The following SNTG1 variants were observed in gnomAD, a reference collection of about 807,000 sequenced individuals.
The protein encoded by SNTG1 is syntrophin gamma 1, also known as gamma-1-syntrophin.
SNTG1 carries 39 observed loss-of-function variants against 74.7 expected under a neutral mutation model. The observed-to-expected ratio is 0.52, with a 90% CI of 0.40 to 0.68. The LOEUF (loss-of-function observed/expected upper bound fraction) is 0.68, where lower values mean the gene tolerates loss of function less well. SNTG1 is among the 30% of genes least tolerant of loss of function. SNTG1 has a pLI of 0.00. For synonymous variants in SNTG1, 254 were observed against 217.1 expected (o/e 1.17, Z -1.49); for missense variants, 685 against 609.5 (o/e 1.12, Z -1.30).
chr8:50,526,690 G>A (rs1292929170), intron 9 of SNTG1, among the ~76,000 whole-genome samples: 3 of 151,586 alleles, frequency 2.0e-5, no homozygotes, highest in African/African-American at 7.3e-5. Flanking sequence ...TCCCCCTGTT[G>A]CCAGGCTCAT....
chr8:50,000,964 T>G (rs2130444982), intron 1 of SNTG1, among the ~76,000 whole-genome samples: 1 of 152,318 alleles, frequency 6.6e-6, no homozygotes, highest in East Asian at 1.9e-4. Flanking sequence ...TTGCCTTCAA[T>G]TTTCTTTCCA....
At chr8:50,551,779 G>A (rs955371919) in intron 11 of SNTG1, among the ~76,000 whole-genome samples, 10 of 152,154 alleles carry the variant, frequency 6.6e-5, no homozygotes, top group African/African-American at 2.4e-4. Context: ...AAACAAAAGA[G>A]CATATCTAAG....
At chr8:50,786,462 A>G (rs943096942) in intron 18 of SNTG1, among the ~76,000 whole-genome samples, 20 of 152,124 alleles carry the variant, frequency 1.3e-4, no homozygotes, top group South Asian at 6.2e-4. Flanking sequence ...GATTTAAGAA[A>G]TCTCCATCAA....
chr8:50,560,692 G>A (rs984611344), intron 12 of SNTG1, among the ~76,000 whole-genome samples: 2 of 152,040 alleles, frequency 1.3e-5, no homozygotes, highest in African/African-American at 4.8e-5. Context: ...CACATCGGGG[G>A]AACAACACAC....
At chr8:50,044,597 G>C (rs1818920062) in intron 1 of SNTG1, among the ~76,000 whole-genome samples, 1 of 152,216 alleles carries the variant, frequency 6.6e-6, no homozygotes, top group Non-Finnish European at 1.5e-5. Context: ...CCTAGAACCT[G>C]GACTTCTTAA....
chr8:50,486,175 A>G (rs1169625824), intron 8 of SNTG1, among the ~76,000 whole-genome samples: 7 of 151,476 alleles, frequency 4.6e-5, no homozygotes, highest in East Asian at 1.9e-4. Context: ...GTTTTTTCCA[A>G]TTCTGTGAAG....
intron 1 of SNTG1, among the ~76,000 whole-genome samples, chr8:50,003,649 T>G (rs935614318): frequency 6.6e-6 from 1 of 152,176 alleles, no homozygotes; most frequent in Admixed American, 6.6e-5. Context: ...GAAACTCTAT[T>G]TAGAAGATAG....
Position 49,994,703 on chromosome 8 carries a change from A to AT in SNTG1, c.-103+82482dup, listed in dbSNP as rs141549703. 7.8e-3 allele frequency among the ~76,000 whole-genome samples: 1,175 copies of AT among 149,796 alleles called. 13 individuals are homozygous for AT. Among genetic ancestry groups the AT allele is most frequent in the African/African-American group, 0.018 (721 of 41,016 alleles). On this transcript the variant is annotated intron_variant, in intron 1 of 18. Coordinates refer to ENST00000642720, the MANE Select transcript of SNTG1 (RefSeq NM_018967.5). ...CTCCTCACTTTGACTATAGCTACTC[A>AT]TTTTTTTTTTCTCTGAACCTAAGAA... is the stretch of plus-strand genomic sequence containing the variant.
intron 1 of SNTG1, among the ~76,000 whole-genome samples, chr8:49,943,289 T>C (rs1203626204): frequency 9.4e-6 from 1 of 106,098 alleles, no homozygotes; most frequent in Non-Finnish European, 2.3e-5. Context: ...GATCCTTCGA[T>C]CTAGTGGAGA....
intron 1 of SNTG1, among the ~76,000 whole-genome samples, chr8:50,106,782 T>A (rs2080388708): frequency 1.3e-5 from 2 of 152,290 alleles, no homozygotes; most frequent in Non-Finnish European, 2.9e-5. Context: ...TAACATTGTG[T>A]TTGACAACTC....
chr8:50,022,711 C>G lies in SNTG1; in HGVS notation c.-103+110480C>G, dbSNP rs545475624. ...TTACTGTCTGTGTTTTCAGGAGGCA[C>G]TGAGCTGCCAGAGCATACATGGATT... On this transcript the variant is annotated intron_variant, in intron 1 of 18. Coordinates refer to ENST00000642720, the MANE Select transcript of SNTG1 (RefSeq NM_018967.5). Among the ~76,000 whole-genome samples the G allele has an allele frequency of 4.6e-5, 7 of 152,292 alleles. No homozygotes were observed. In the South Asian group the frequency reaches 1.5e-3, roughly 32 times the overall value.
In SNTG1 at chr8:50,792,977, C is replaced by A; in HGVS notation, c.*148C>A. 1 of 727,052 alleles carries A rather than the reference C, an allele frequency of 1.4e-6. No individual in the cohort carries two copies. The highest frequency in any genetic ancestry group is 2.1e-6 in the Non-Finnish European group (1 of 475,438). The allele number at this position is 727,052 out of a possible 1,614,324, so 45.0% of individuals were successfully genotyped here. ...GGCAGAAAAAGAAGGTCATGTGGAA[C>A]CTCAAAAACACTTCTATTCTGGATG... On this transcript the variant is annotated 3_prime_UTR_variant, in exon 19 of 19. Coordinates refer to ENST00000642720, the MANE Select transcript of SNTG1 (RefSeq NM_018967.5).
At chr8:50,167,007 T>G (rs1309143751) in intron 1 of SNTG1, among the ~76,000 whole-genome samples, 1 of 141,962 alleles carries the variant, frequency 7.0e-6, no homozygotes, top group Non-Finnish European at 1.5e-5. Flanking sequence ...TCATTCTCAG[T>G]AAACTATCGC....
At chr8:50,521,728 A>T (rs1422960560) in intron 9 of SNTG1, among the ~76,000 whole-genome samples, 1 of 152,216 alleles carries the variant, frequency 6.6e-6, no homozygotes, top group Non-Finnish European at 1.5e-5. Context: ...TTTATGTAAT[A>T]TTCTAAATAC....
chr8:49,966,609 G>T (rs921127931), intron 1 of SNTG1, among the ~76,000 whole-genome samples: 1 of 151,780 alleles, frequency 6.6e-6, no homozygotes, highest in African/African-American at 2.4e-5. Flanking sequence ...TGGCCAGGCT[G>T]GTCTCAAACT....
chr8:50,695,215 AC>A (rs377734166), intron 15 of SNTG1, among the ~76,000 whole-genome samples: 1 of 151,942 alleles, frequency 6.6e-6, no homozygotes, highest in African/African-American at 2.4e-5. Flanking sequence ...ACACACACAC[AC>A]AAAAAAAACC....
chr8:50,219,629 C>T (rs2084960623), intron 2 of SNTG1, among the ~76,000 whole-genome samples: 1 of 151,972 alleles, frequency 6.6e-6, no homozygotes, highest in South Asian at 2.1e-4. Context: ...GAGAGAGAAA[C>T]GGGATGTGCT....
At chr8:50,461,731 G>GTTTGTTTTGT (rs71233497) in intron 8 of SNTG1, among the ~76,000 whole-genome samples, 8 of 150,934 alleles carry the variant, frequency 5.3e-5, no homozygotes, top group South Asian at 2.1e-4. Context: ...TTGTTTGTTT[G>GTTTGTTTTGT]TTTGTTTTGT....
intron 5 of SNTG1, among the ~76,000 whole-genome samples, chr8:50,445,145 A>G (rs2093394961): frequency 6.6e-6 from 1 of 152,176 alleles, no homozygotes; most frequent in Non-Finnish European, 1.5e-5. Flanking sequence ...TGAGAAAGAC[A>G]ATTATTTTTT....
Sources: gnomAD v4.1 joint callset for allele counts (sites outside exome capture counted in the v4.1 genomes callset) on GRCh38, gnomAD v4.1.1 for gene constraint, MANE v1.5 for transcripts, NCBI Gene and HGNC (gene_info 2026-07-23, HGNC 2026-07-21) for gene names.